Variants in GRAMD2B observed in about 807,000 individuals in gnomAD.
GRAMD2B encodes the protein GRAM domain-containing protein 2B.
In GRAMD2B, 41 loss-of-function variants were observed where a neutral mutation model predicts 59.2. The observed-to-expected ratio is 0.69, with a 90% CI of 0.54 to 0.90. GRAMD2B has a LOEUF of 0.90. GRAMD2B is among the 40% of genes least tolerant of loss of function. The pLI, the probability that GRAMD2B is intolerant of heterozygous loss-of-function variation, is 0.00. For missense variants in GRAMD2B, 424 were observed against 500.5 expected (o/e 0.85, Z 1.46); for synonymous variants, 161 against 182.7 (o/e 0.88, Z 0.96).
At chr5:126,397,746 C>T (rs888625319) in intron 1 of GRAMD2B, among the ~76,000 whole-genome samples, 1 of 152,074 alleles carries the variant, frequency 6.6e-6, no homozygotes, top group Admixed American at 6.5e-5. Flanking sequence ...GATATATGGT[C>T]CTTTTAATGT....
chr5:126,473,328 G>T lies in GRAMD2B; in HGVS notation c.446G>T (p.Trp149Leu). The change falls in exon 5 of 14, where the codon TGG becomes TTG. Residue 149 changes from tryptophan to leucine, a missense_variant. Trp to Leu is a moderately conservative substitution (Grantham distance 61). Transcript: ENST00000285689. ...GGAAAGCTCTTTGTATCAGAAAACT[G>T]GATTTGTTTTCATTCCAAAGTCTTT... ...YQGKLFVSEN[W>L]ICFHSKVFGK... The T allele has an allele frequency of 6.5e-7, 1 of 1,533,346 alleles. No homozygotes were observed. The highest frequency in any genetic ancestry group is 8.8e-7 in the Non-Finnish European group (1 of 1,134,472). 95.0% of individuals were successfully genotyped at this position (1,533,346 alleles called of 1,614,324 possible).
intron 3 of GRAMD2B, among the ~76,000 whole-genome samples, chr5:126,471,036 G>A (rs1485976614): frequency 1.3e-5 from 2 of 152,146 alleles, no homozygotes; most frequent in Non-Finnish European, 2.9e-5. Flanking sequence ...TTTAATCAAG[G>A]TATCTTTCTA....
chr5:126,365,470 GC>G (rs1754400884), intron 1 of GRAMD2B, among the ~76,000 whole-genome samples: 1 of 152,184 alleles, frequency 6.6e-6, no homozygotes, highest in Admixed American at 6.5e-5. Context: ...CAAGAATGCT[GC>G]TTTTTAAAAT....
chr5:126,456,039 T>C (rs1451467656), intron 1 of GRAMD2B, among the ~76,000 whole-genome samples: 1 of 152,242 alleles, frequency 6.6e-6, no homozygotes, highest in African/African-American at 2.4e-5. Flanking sequence ...CATTTGAAGA[T>C]AGTAAATCCA....
intron 1 of GRAMD2B, among the ~76,000 whole-genome samples, chr5:126,387,508 A>G (rs1001440978): frequency 6.6e-6 from 1 of 151,434 alleles, no homozygotes; most frequent in Admixed American, 6.6e-5. Context: ...TATACTCAAA[A>G]TATTATTTCT....
At chr5:126,382,836 A>G (rs1755775483) in intron 1 of GRAMD2B, among the ~76,000 whole-genome samples, 2 of 152,158 alleles carry the variant, frequency 1.3e-5, no homozygotes, top group Admixed American at 1.3e-4. Context: ...CAGAGGGAAG[A>G]TCTGGGGCTC....
chr5:126,378,123 C>A (rs771576323), intron 1 of GRAMD2B, among the ~76,000 whole-genome samples: 1 of 152,072 alleles, frequency 6.6e-6, no homozygotes, highest in Admixed American at 6.5e-5. Context: ...ACACCCACTG[C>A]ATTTGTGTAT....
chr5:126,473,972 CA>C (rs1434991076), intron 5 of GRAMD2B, among the ~76,000 whole-genome samples: 1 of 152,100 alleles, frequency 6.6e-6, no homozygotes, highest in Non-Finnish European at 1.5e-5. Context: ...TTTGGGGGAG[CA>C]GAGACACATG....
chr5:126,388,368 ATC>A (rs139841031), intron 1 of GRAMD2B, among the ~76,000 whole-genome samples: 3,822 of 152,110 alleles, frequency 0.025, 172 homozygotes, highest in African/African-American at 0.086. Context: ...GTGAGATCTT[ATC>A]TCAAAAAATA....
intron 3 of GRAMD2B, among the ~76,000 whole-genome samples, 189 bp downstream of exon 3, chr5:126,469,977 A>G (rs1053643131): frequency 2.5e-4 from 38 of 152,042 alleles, no homozygotes; most frequent in Admixed American, 2.5e-3. Flanking sequence ...ATATTCCACA[A>G]CTCATTTTTC....
chr5:126,487,400 C>G (rs957487133), intron 12 of GRAMD2B, among the ~76,000 whole-genome samples: 1 of 152,134 alleles, frequency 6.6e-6, no homozygotes, highest in Non-Finnish European at 1.5e-5. Flanking sequence ...TTGCAAAACT[C>G]TTGACCACTG....
At chr5:126,377,706 G>A (rs1271954143) in intron 1 of GRAMD2B, among the ~76,000 whole-genome samples, 1 of 152,182 alleles carries the variant, frequency 6.6e-6, no homozygotes, top group African/African-American at 2.4e-5. Context: ...ATGGCTTCCA[G>A]GAATACTCCT....
intron 1 of GRAMD2B, among the ~76,000 whole-genome samples, chr5:126,464,750 A>G (rs1252443402): frequency 1.3e-5 from 2 of 152,138 alleles, no homozygotes; most frequent in Non-Finnish European, 2.9e-5. Flanking sequence ...TATGAGGATA[A>G]ATGGATGAGT....
intron 1 of GRAMD2B, among the ~76,000 whole-genome samples, chr5:126,362,932 C>T (rs1271055249): frequency 1.3e-5 from 2 of 152,010 alleles, no homozygotes; most frequent in Admixed American, 1.3e-4. Flanking sequence ...AGGCCCAACA[C>T]CAAAATCGCA....
chr5:126,415,695 G>T (rs1466335268), intron 1 of GRAMD2B, among the ~76,000 whole-genome samples: 4 of 152,036 alleles, frequency 2.6e-5, no homozygotes, highest in Non-Finnish European at 5.9e-5. Flanking sequence ...CTTCTCTTTT[G>T]TTCCCCCTTT....
In GRAMD2B at chr5:126,486,908, G is replaced by C. The variant is rs1773057649; in HGVS notation, c.1094G>C (p.Arg365Thr). The C allele has an allele frequency of 2.5e-6, 4 of 1,612,448 alleles. No individual in the cohort carries two copies. In the African/African-American group the frequency reaches 5.3e-5, roughly 22 times the overall value. ...CTAATCATCTCGACCTTCTACATGA[G>C]ATACAGAATTAATACTCTGGAGGAG... Reference protein sequence around the residue: ...CALIISTFYMRYRINTLEEQL... With the variant: ...CALIISTFYMTYRINTLEEQL... Residue 365 changes from arginine to threonine, a missense_variant, in exon 12 of 14, where the codon AGA becomes ACA. Arg to Thr is a moderately conservative substitution (Grantham distance 71, BLOSUM62 -1). Transcript: ENST00000285689.
At chr5:126,436,277 C>G (rs1762386379) in intron 1 of GRAMD2B, among the ~76,000 whole-genome samples, 1 of 152,108 alleles carries the variant, frequency 6.6e-6, no homozygotes, top group Non-Finnish European at 1.5e-5. Flanking sequence ...ATTTAATGCA[C>G]ATTTTTTGAG....
At position 126,437,304 on chromosome 5, in the gene GRAMD2B, G is replaced by A. The variant is rs1762568513; in HGVS notation, c.83+13615G>A. On this transcript the variant is annotated intron_variant, in intron 1 of 13. Coordinates refer to ENST00000285689, the MANE Select transcript of GRAMD2B (RefSeq NM_023927.4). ...GAGGAAATAAAATTGGAAGGACCAGGTGACGGAATGGATTGACAGAGCGAG... is the reference window on the plus strand; with the variant it reads ...GAGGAAATAAAATTGGAAGGACCAGATGACGGAATGGATTGACAGAGCGAG... Among the ~76,000 whole-genome samples the A allele has an allele frequency of 2.6e-5, 4 of 152,200 alleles. No individual in the cohort carries two copies. In the South Asian group the frequency reaches 8.3e-4, roughly 32 times the overall value.
intron 8 of GRAMD2B, among the ~76,000 whole-genome samples, chr5:126,481,479 CCCA>C (rs943692183): frequency 2.0e-5 from 3 of 152,096 alleles, no homozygotes; most frequent in African/African-American, 7.2e-5. Context: ...TTCAACAACT[CCCA>C]CAAATCTTTT....
Sources: gnomAD v4.1 joint callset for allele counts (sites outside exome capture counted in the v4.1 genomes callset) on GRCh38, gnomAD v4.1.1 for gene constraint, MANE v1.5 for transcripts, NCBI Gene and HGNC (gene_info 2026-07-23, HGNC 2026-07-21) for gene names.